Variants in DPP6 observed in about 807,000 individuals in gnomAD.
DPP6 encodes the protein dipeptidyl peptidase like 6, also known as A-type potassium channel modulatory protein DPP6.
In DPP6, 69 loss-of-function variants were observed where a neutral mutation model predicts 122.6. That is an observed-to-expected ratio of 0.56 (90% CI 0.46 to 0.69). The LOEUF (loss-of-function observed/expected upper bound fraction) is 0.69. DPP6 is among the 30% of genes least tolerant of loss of function. DPP6 has a pLI of 0.00. For synonymous variants in DPP6, 418 were observed against 433.1 expected (o/e 0.97, Z 0.43); for missense variants, 928 against 1,116.9 (o/e 0.83, Z 2.41).
At chr7:154,034,480 G>A (rs1799418063) in intron 1 of DPP6, among the ~76,000 whole-genome samples, 1 of 152,038 alleles carries the variant, frequency 6.6e-6, no homozygotes, top group African/African-American at 2.4e-5. Flanking sequence ...CTAGAGCTGT[G>A]GTCCCCTGAA....
intron 1 of DPP6, among the ~76,000 whole-genome samples, chr7:153,890,584 A>G (rs1001553105): frequency 6.6e-5 from 10 of 151,968 alleles, no homozygotes; most frequent in African/African-American, 9.7e-5. Context: ...GAGTACAGCT[A>G]GAGGATTAAG....
chr7:153,806,457 G>A, the DPP6 span, among the ~76,000 whole-genome samples: 2 of 151,478 alleles, frequency 1.3e-5, no homozygotes, highest in Admixed American at 1.3e-4. Flanking sequence ...CAAGGCACCA[G>A]GAACACAGGT....
chr7:154,542,322 G>A (rs983844837), intron 4 of DPP6, among the ~76,000 whole-genome samples: 9 of 152,164 alleles, frequency 5.9e-5, no homozygotes, highest in African/African-American at 1.9e-4. Flanking sequence ...TACTAACGTT[G>A]TAGAAATGGT....
chr7:154,156,481 G>C (rs1025574312), intron 1 of DPP6, among the ~76,000 whole-genome samples: 1 of 152,222 alleles, frequency 6.6e-6, no homozygotes, highest in African/African-American at 2.4e-5. Context: ...GTTGAGACTA[G>C]AGGGACCATT....
At chr7:154,550,978 C>G (rs948644311) in intron 4 of DPP6, among the ~76,000 whole-genome samples, 3 of 152,064 alleles carry the variant, frequency 2.0e-5, no homozygotes, top group Non-Finnish European at 4.4e-5. Flanking sequence ...TTATAAAAGA[C>G]AGCTGGATCC....
intron 1 of DPP6, among the ~76,000 whole-genome samples, chr7:154,216,419 G>A (rs1007692315): frequency 3.9e-5 from 6 of 152,182 alleles, no homozygotes; most frequent in Non-Finnish European, 4.4e-5. Context: ...TAGGGATTTG[G>A]AAGATTGAGG....
In DPP6 at chr7:154,473,326, G is replaced by A. The variant is rs192745957; in HGVS notation, c.359-1613G>A. ...GCCACACCTAGAAAGCTCCTAGAGC[G>A]AAGAAAGAACTTGGTTTGGTTTAAT... On this transcript the variant is annotated intron_variant, in intron 2 of 25. Transcript: ENST00000377770. Among the ~76,000 whole-genome samples, 18 of 152,288 alleles carry A rather than the reference G, an allele frequency of 1.2e-4. No homozygotes were observed. In the East Asian group the frequency reaches 2.7e-3, roughly 23 times the overall value.
intron 1 of DPP6, among the ~76,000 whole-genome samples, chr7:154,076,875 A>T (rs565071323): frequency 6.6e-6 from 1 of 151,484 alleles, no homozygotes; most frequent in Non-Finnish European, 1.5e-5. Flanking sequence ...GCTTTGAAAC[A>T]GAAACCGAAA....
chr7:153,770,562 C>G, the DPP6 span, among the ~76,000 whole-genome samples: 1 of 152,060 alleles, frequency 6.6e-6, no homozygotes, highest in African/African-American at 2.4e-5. Context: ...TTTCCAAGCA[C>G]AAAACTGTTT....
chr7:154,089,260 TTG>T (rs1804641862), intron 1 of DPP6, among the ~76,000 whole-genome samples: 1 of 150,686 alleles, frequency 6.6e-6, no homozygotes, highest in South Asian at 2.1e-4. Context: ...TCTCCAGGAA[TTG>T]TGATTTTTTT....
At chr7:154,669,017 G>C (rs1232843006) in intron 6 of DPP6, among the ~76,000 whole-genome samples, 2 of 152,190 alleles carry the variant, frequency 1.3e-5, no homozygotes, top group African/African-American at 4.8e-5. Context: ...TGTGGAGGTA[G>C]ATCACTGCAT....
At chr7:154,827,304 C>T (rs1800236626) in intron 16 of DPP6, among the ~76,000 whole-genome samples, 2 of 151,838 alleles carry the variant, frequency 1.3e-5, no homozygotes, top group Admixed American at 6.6e-5. Flanking sequence ...GTTTCTTTTC[C>T]CTCTTCCTCC....
At chr7:154,022,476 G>C (rs1444569055) in intron 1 of DPP6, among the ~76,000 whole-genome samples, 9 of 152,210 alleles carry the variant, frequency 5.9e-5, no homozygotes, top group Admixed American at 1.3e-4. Flanking sequence ...TCATGGGAAA[G>C]TAGAGGCCGG....
chr7:154,416,440 T>C (rs1002428939), intron 1 of DPP6, among the ~76,000 whole-genome samples: 2 of 152,118 alleles, frequency 1.3e-5, no homozygotes, highest in African/African-American at 2.4e-5. Flanking sequence ...CAGGAAGATA[T>C]TTTGTGACAG....
At chr7:154,300,597 G>A (rs1017331195) in intron 1 of DPP6, among the ~76,000 whole-genome samples, 12 of 152,172 alleles carry the variant, frequency 7.9e-5, no homozygotes, top group South Asian at 2.1e-4. Context: ...TCCCGCCCAA[G>A]CACTTTGGAG....
chr7:154,588,990 G>A lies in DPP6; in HGVS notation c.627+22074G>A, dbSNP rs186305775. 2.0e-5 allele frequency among the ~76,000 whole-genome samples: 3 copies of A among 152,292 alleles called. No homozygotes were observed. The East Asian group carries it at 5.8e-4, about 29-fold the overall frequency. On this transcript the variant is annotated intron_variant, in intron 5 of 25. Coordinates refer to ENST00000377770, the MANE Select transcript of DPP6 (RefSeq NM_130797.4). ...CACCTGAGTATTTGTTCCTAGGTTT[G>A]TTGGCTGCATTTGCTTAATTTTTAT...
intron 1 of DPP6, among the ~76,000 whole-genome samples, chr7:154,206,041 G>A (rs1455450704): frequency 6.6e-6 from 1 of 152,184 alleles, no homozygotes; most frequent in Non-Finnish European, 1.5e-5. Context: ...GCCTCTGAGA[G>A]TTCCATTTGT....
the DPP6 span, among the ~76,000 whole-genome samples, chr7:153,872,960 A>G: frequency 6.6e-6 from 1 of 152,230 alleles, no homozygotes; most frequent in Admixed American, 6.5e-5. Flanking sequence ...GCACTGCTAC[A>G]AAGAAATACC....
intron 16 of DPP6, among the ~76,000 whole-genome samples, chr7:154,820,556 C>CT (rs567241212): frequency 4.4e-4 from 67 of 152,294 alleles, no homozygotes; most frequent in African/African-American, 1.4e-3. Flanking sequence ...CCTTCACTTC[C>CT]TGAAGTGTTC....
Sources: allele counts gnomAD v4.1 joint callset (sites outside exome capture counted in the v4.1 genomes callset), GRCh38; gene constraint gnomAD v4.1.1; transcripts MANE v1.5; gene names NCBI Gene and HGNC (gene_info 2026-07-23, HGNC 2026-07-21).